Variants in DPP10 observed in about 807,000 individuals in gnomAD.
The protein encoded by DPP10 is inactive dipeptidyl peptidase 10.
Under a neutral mutation model 120.9 loss-of-function variants are expected in DPP10, and 33 were observed. The ratio of observed to expected loss-of-function variants is 0.27; its 90% CI spans 0.21 to 0.37. DPP10 has a LOEUF of 0.37. Among genes scored for constraint, DPP10 ranks in the 10% least tolerant of loss-of-function variants. The pLI is 1.00. For missense variants in DPP10, 816 were observed against 942.8 expected (o/e 0.87, Z 1.76); for synonymous variants, 337 against 326.1 (o/e 1.03, Z -0.36).
intron 3 of DPP10, among the ~76,000 whole-genome samples, chr2:115,479,268 C>T (rs554687103): frequency 2.2e-4 from 34 of 152,056 alleles, no homozygotes; most frequent in African/African-American, 8.2e-4. Flanking sequence ...CATGGATGAA[C>T]CCTCTAAGGT....
In DPP10 at chr2:115,637,028, A is replaced by G. The variant is rs557656316; in HGVS notation, c.442-52659A>G. On this transcript the variant is annotated intron_variant, in intron 5 of 25. Transcript: ENST00000410059. ...TAGCTTAAAATTCTGTACCTAGCCAATACACTTTTCCTGAGGGTAAAATAT... is the reference window on the plus strand; with the variant it reads ...TAGCTTAAAATTCTGTACCTAGCCAGTACACTTTTCCTGAGGGTAAAATAT... 1.0e-3 allele frequency among the ~76,000 whole-genome samples: 154 copies of G among 152,304 alleles called. No individual in the cohort carries two copies. The Middle Eastern group carries it at 0.014, about 13-fold the overall frequency.
chr2:114,881,498 C>CTG (rs1553447207), intron 1 of DPP10, among the ~76,000 whole-genome samples: 1 of 149,008 alleles, frequency 6.7e-6, no homozygotes, highest in African/African-American at 2.5e-5. Flanking sequence ...TATCATATCT[C>CTG]TCTGTCTGTC....
chr2:114,817,984 G>C (rs1402102755), intron 1 of DPP10, among the ~76,000 whole-genome samples: 1 of 152,110 alleles, frequency 6.6e-6, no homozygotes, highest in Non-Finnish European at 1.5e-5. Context: ...CCAGAGTCTT[G>C]AAGGATTAGA....
At chr2:115,465,746 C>G (rs1310099924) in intron 3 of DPP10, among the ~76,000 whole-genome samples, 2 of 152,134 alleles carry the variant, frequency 1.3e-5, no homozygotes, top group Non-Finnish European at 2.9e-5. Flanking sequence ...CACTTGAACC[C>G]ATAAGGCAGA....
chr2:115,617,289 T>TATACAC (rs67359999), intron 5 of DPP10, among the ~76,000 whole-genome samples: 1 of 136,530 alleles, frequency 7.3e-6, no homozygotes, highest in African/African-American at 2.7e-5. Flanking sequence ...TATATATATA[T>TATACAC]ACACACATAG....
chr2:114,810,767 C>T (rs529695207), intron 1 of DPP10, among the ~76,000 whole-genome samples: 2 of 152,284 alleles, frequency 1.3e-5, no homozygotes, highest in East Asian at 3.9e-4. Flanking sequence ...TGATGTAACA[C>T]AGAGAAGGGT....
chr2:115,023,471 T>A lies in DPP10; in HGVS notation c.61-285768T>A, dbSNP rs537052936. On this transcript the variant is annotated intron_variant, in intron 1 of 25. Coordinates refer to ENST00000410059, the MANE Select transcript of DPP10 (RefSeq NM_020868.6). Reference sequence around the variant, plus strand: ...CACCTGCCTCCTGCAAGAGTGGTCATAATGAAAAAAATCAAAAAAATAATA... The same window carrying A: ...CACCTGCCTCCTGCAAGAGTGGTCAAAATGAAAAAAATCAAAAAAATAATA... Among the ~76,000 whole-genome samples, 148 of 151,998 alleles carry A rather than the reference T, an allele frequency of 9.7e-4. 1 individual carries two copies. In the Middle Eastern group the frequency reaches 0.021, roughly 21 times the overall value.
intron 5 of DPP10, among the ~76,000 whole-genome samples, chr2:115,641,320 C>T (rs1305115576): frequency 2.6e-5 from 4 of 152,140 alleles, no homozygotes; most frequent in Non-Finnish European, 4.4e-5. Context: ...ATCAAGGCCC[C>T]GCGTGATTTG....
chr2:115,651,517 C>G (rs949795607), intron 5 of DPP10, among the ~76,000 whole-genome samples: 1 of 151,870 alleles, frequency 6.6e-6, no homozygotes, highest in Non-Finnish European at 1.5e-5. Context: ...TAAAAGAATT[C>G]GAAAGAAACA....
intron 1 of DPP10, among the ~76,000 whole-genome samples, chr2:115,256,418 C>T (rs898007783): frequency 5.3e-5 from 8 of 152,284 alleles, no homozygotes; most frequent in African/African-American, 1.9e-4. Flanking sequence ...TTGTCAGCCA[C>T]CGAGGCTTAT....
chr2:115,793,878 C>T (rs1038831562), intron 19 of DPP10, among the ~76,000 whole-genome samples: 44 of 151,918 alleles, frequency 2.9e-4, no homozygotes, highest in African/African-American at 1.0e-3. Context: ...TAAATTTATA[C>T]TTACAATATG....
intron 5 of DPP10, among the ~76,000 whole-genome samples, chr2:115,571,530 A>G (rs1488122987): frequency 6.6e-6 from 1 of 152,146 alleles, no homozygotes; most frequent in African/African-American, 2.4e-5. Flanking sequence ...ATTGTTGCCA[A>G]CATCTTTAAT....
intron 5 of DPP10, among the ~76,000 whole-genome samples, chr2:115,556,120 G>A (rs904859693): frequency 2.0e-5 from 3 of 151,998 alleles, no homozygotes; most frequent in South Asian, 4.1e-4. Context: ...AAGTTAACTT[G>A]TAGGCTTTTT....
At chr2:115,294,220 A>G (rs1194466284) in intron 1 of DPP10, among the ~76,000 whole-genome samples, 1 of 152,070 alleles carries the variant, frequency 6.6e-6, no homozygotes, top group Non-Finnish European at 1.5e-5. Context: ...GAAGTTTGAA[A>G]GGCAGTCATG....
chr2:114,671,394 T>C (rs567118779), intron 1 of DPP10, among the ~76,000 whole-genome samples: 2 of 152,262 alleles, frequency 1.3e-5, no homozygotes, highest in Non-Finnish European at 2.9e-5. Context: ...TGTTGAAATG[T>C]GATCTCCGAT....
intron 5 of DPP10, among the ~76,000 whole-genome samples, chr2:115,623,230 T>G (rs1345458612): frequency 6.6e-6 from 1 of 152,168 alleles, no homozygotes; most frequent in Non-Finnish European, 1.5e-5. Context: ...TCACAAATCC[T>G]AAAATATTTA....
intron 1 of DPP10, among the ~76,000 whole-genome samples, chr2:114,673,802 C>T (rs1314298912): frequency 6.6e-6 from 1 of 152,064 alleles, no homozygotes; most frequent in Non-Finnish European, 1.5e-5. Flanking sequence ...CTATGAAATA[C>T]ACTAATTTAC....
At chr2:114,789,369 G>A (rs1465907976) in intron 1 of DPP10, among the ~76,000 whole-genome samples, 1 of 152,196 alleles carries the variant, frequency 6.6e-6, no homozygotes, top group Non-Finnish European at 1.5e-5. Context: ...ACGCTGGCAT[G>A]TTGGAGTTTA....
At chr2:115,817,534 G>A (rs1687380145) in intron 21 of DPP10, among the ~76,000 whole-genome samples, 1 of 152,150 alleles carries the variant, frequency 6.6e-6, no homozygotes, top group African/African-American at 2.4e-5. Flanking sequence ...CATCTGCAGT[G>A]TATCATGCCT....
Sources: allele counts gnomAD v4.1 joint callset (sites outside exome capture counted in the v4.1 genomes callset), GRCh38; gene constraint gnomAD v4.1.1; transcripts MANE v1.5; gene names NCBI Gene and HGNC (gene_info 2026-07-23, HGNC 2026-07-21).